Variants in MPND observed in about 807,000 individuals in gnomAD.
MPND encodes the protein MPN domain-containing protein.
MPND carries 56 observed loss-of-function variants against 59.2 expected under a neutral mutation model. That is an observed-to-expected ratio of 0.95 (90% CI 0.76 to 1.18). The LOEUF (loss-of-function observed/expected upper bound fraction) is 1.18. MPND is among the 50% of genes most tolerant of loss of function. The pLI, the probability that MPND is intolerant of heterozygous loss-of-function variation, is 0.00. For missense variants in MPND, 671 were observed against 676.0 expected, an observed-to-expected ratio of 0.99 and a Z score of 0.08; for synonymous variants, 323 against 291.9, an observed-to-expected ratio of 1.11 and a Z score of -1.09.
intron 3 of MPND, among the ~76,000 whole-genome samples, chr19:4,351,760 G>A (rs1199608162): frequency 1.3e-5 from 2 of 150,468 alleles, no homozygotes; most frequent in Non-Finnish European, 2.9e-5. Context: ...TACTCGGGAG[G>A]CTGAGGCAGG....
intron 3 of MPND, among the ~76,000 whole-genome samples, chr19:4,350,360 G>A (rs1301535740): frequency 6.6e-6 from 1 of 152,014 alleles, no homozygotes; most frequent in Non-Finnish European, 1.5e-5. Flanking sequence ...GAGGAAGGTG[G>A]GAGCCATGGA....
Position 4,346,038 on chromosome 19 carries a change from C to T in MPND, c.531+57C>T, listed in dbSNP as rs1296873526. 15 of 1,436,164 alleles carry T rather than the reference C, an allele frequency of 1.0e-5. No homozygotes were observed. In the Admixed American group the frequency reaches 1.5e-4, roughly 14 times the overall value. 89.0% of individuals were successfully genotyped at this position (1,436,164 alleles called of 1,614,324 possible). A position where few individuals can be genotyped will look rare whatever the true frequency, so the allele number is the denominator to read the frequency against. On this transcript the variant is annotated intron_variant, in intron 3 of 12. Transcript: ENST00000599840. The stretch of plus-strand genomic sequence containing the variant: ...CCAGGTCACTGTGGAATGAGGGGTG[C>T]CCAGCCTGGCACAGCTCTCTCCGGA...
chr19:4,358,079 C>T lies in MPND; in HGVS notation c.1237-4C>T. ...CTTCTCTCACTGGTCTGTGTCCCTG[C>T]CAGCAAAGGCCCAGTGACTATGGCA... On this transcript the variant is annotated splice_region_variant and splice_polypyrimidine_tract_variant and intron_variant, in intron 10 of 12. Coordinates refer to ENST00000599840, the MANE Select transcript of MPND (RefSeq NM_001300862.2). The T allele has an allele frequency of 5.2e-6, 8 of 1,550,918 alleles. No homozygotes were observed. Among genetic ancestry groups the T allele is most frequent in the Non-Finnish European group, 7.0e-6 (8 of 1,146,586 alleles).
At chr19:4,352,843 G>T (rs531378930) in intron 3 of MPND, 54 bp from the exon 4 acceptor site, 3 of 1,312,490 alleles carry the variant, frequency 2.3e-6, no homozygotes, top group Middle Eastern at 4.4e-4. Flanking sequence ...GCAGGGAGCG[G>T]GGGGGCACCC....
In MPND at chr19:4,343,590, G is replaced by A. The variant is rs1972114032; in HGVS notation, c.-4G>A. 1 of 1,220,680 alleles carries A rather than the reference G, an allele frequency of 8.2e-7. No homozygotes were observed. Among genetic ancestry groups the A allele is most frequent in the Non-Finnish European group, 1.0e-6 (1 of 980,872 alleles). 75.6% of individuals were successfully genotyped at this position (1,220,680 alleles called of 1,614,324 possible). A position where few individuals can be genotyped will look rare whatever the true frequency, so the allele number is the denominator to read the frequency against. ...TAGAGCTCCGGGCGCGGGGAGGCGC[G>A]GCCATGGCAGGTACGGCGGGCCCAG... On this transcript the variant is annotated 5_prime_UTR_variant, in exon 1 of 13. Coordinates refer to ENST00000599840, the MANE Select transcript of MPND (RefSeq NM_001300862.2).
intron 4 of MPND, 135 bp downstream of exon 4, chr19:4,353,164 A>T: frequency 1.5e-6 from 1 of 686,490 alleles, no homozygotes; most frequent in East Asian, 3.4e-5. Context: ...CTGGGCCCTA[A>T]GTCTGGAGCC....
chr19:4,345,293 C>T (rs1003818205), intron 2 of MPND, among the ~76,000 whole-genome samples: 155 of 151,564 alleles, frequency 1.0e-3, no homozygotes, highest in African/African-American at 3.6e-3. Flanking sequence ...GTGATCCGCC[C>T]GCCTCAGCCT....
intron 3 of MPND, among the ~76,000 whole-genome samples, chr19:4,350,941 C>A (rs899462314): frequency 6.6e-6 from 1 of 151,810 alleles, no homozygotes; most frequent in African/African-American, 2.4e-5. Flanking sequence ...GGGAGCCAGG[C>A]GAGCGTGGGA....
At chr19:4,357,158 T>TA in intron 8 of MPND, 95 bp from the exon 9 acceptor site, 1 of 1,377,198 alleles carries the variant, frequency 7.3e-7, no homozygotes, top group South Asian at 1.5e-5. Flanking sequence ...CCAGGCCTGA[T>TA]ACACAGCAGG....
At chr19:4,357,152 G>A (rs530394892) in intron 8 of MPND, 101 bp from the exon 9 acceptor site, 1 of 1,329,576 alleles carries the variant, frequency 7.5e-7, no homozygotes, top group African/African-American at 1.5e-5. Context: ...GTGTCCCCAG[G>A]CCTGATACAC....
intron 3 of MPND, among the ~76,000 whole-genome samples, chr19:4,352,176 G>GA (rs969763345): frequency 3.0e-4 from 42 of 140,528 alleles, no homozygotes; most frequent in African/African-American, 4.4e-4. Context: ...GTGTCTCAAA[G>GA]AAAAAAAAAA....
chr19:4,349,651 C>T (rs1179429788), intron 3 of MPND, among the ~76,000 whole-genome samples: 1 of 152,124 alleles, frequency 6.6e-6, no homozygotes, highest in Non-Finnish European at 1.5e-5. Flanking sequence ...GCTGGGACTA[C>T]AGATGCCCAC....
chr19:4,354,326 A>AC lies in MPND; in HGVS notation c.757dup (p.His253ProfsTer24). ...TGCGACCCTCCTGGCCCCTACAGGA[A>AC]CCCCCACACCCTGGTGGAAGTAACA... On this transcript the variant is annotated frameshift_variant, in exon 6 of 13. Coordinates refer to ENST00000599840, the MANE Select transcript of MPND (RefSeq NM_001300862.2). LOFTEE classifies it high-confidence loss of function. The AC allele has an allele frequency of 6.4e-7, 1 of 1,556,500 alleles. No homozygotes were observed. The highest frequency in any genetic ancestry group is 2.4e-5 in the East Asian group (1 of 41,586).
At chr19:4,352,876 C>G (rs568493740) in intron 3 of MPND, 21 bp from the exon 4 acceptor site, 1 of 1,336,968 alleles carries the variant, frequency 7.5e-7, no homozygotes, top group Non-Finnish European at 9.7e-7. Context: ...CACCGCTGTC[C>G]CTGACCCCTA....
intron 4 of MPND, 46 bp downstream of exon 4, chr19:4,353,075 C>T (rs776875633): frequency 1.4e-5 from 18 of 1,307,920 alleles, no homozygotes; most frequent in South Asian, 5.7e-5. Context: ...GGATACAGCT[C>T]GGGTTGGGGA....
At chr19:4,352,719 TA>T (rs60305318) in intron 3 of MPND, among the ~76,000 whole-genome samples, 177 bp from the exon 4 acceptor site, 91,561 of 151,556 alleles carry the variant, frequency 0.6, 28,154 homozygotes, top group East Asian at 0.75. Flanking sequence ...TACAAATAAA[TA>T]AAAAAAAATG....
At chr19:4,358,303 T>G in intron 11 of MPND, 131 bp downstream of exon 11, 1 of 768,970 alleles carries the variant, frequency 1.3e-6, no homozygotes, top group Non-Finnish European at 2.2e-6. Flanking sequence ...GGGTTAGGGC[T>G]TCTTCCATCA....
chr19:4,357,720 C>T (rs372461986), intron 10 of MPND, 135 bp downstream of exon 10: 25 of 832,922 alleles, frequency 3.0e-5, no homozygotes, highest in African/African-American at 5.2e-5. Context: ...GAAATGGGGA[C>T]GTGACTGCTG....
chr19:4,353,017 C>A lies in MPND; in HGVS notation c.652C>A (p.Pro218Thr). 7.4e-7 allele frequency: 1 copy of A among 1,347,772 alleles called. No individual in the cohort carries two copies. The highest frequency in any genetic ancestry group is 9.6e-7 in the Non-Finnish European group (1 of 1,038,776). The allele number at this position is 1,347,772 out of a possible 1,614,324, so 83.5% of individuals were successfully genotyped here. A position where few individuals can be genotyped will look rare whatever the true frequency, so the allele number is the denominator to read the frequency against. ...ACCACTGGGGAAGAGCCCTTCAGAG[C>A]CTGCCCACCCGGGTGAGAGGCGTGG... Reference protein sequence around the residue: ...RRPLGKSPSEPAHPEATTPGK... With the variant: ...RRPLGKSPSETAHPEATTPGK... The change falls in exon 4 of 13, where the codon CCT becomes ACT. Residue 218 changes from proline to threonine, a missense_variant. Transcript: ENST00000599840.
Sources: allele counts gnomAD v4.1 joint callset (sites outside exome capture counted in the v4.1 genomes callset), GRCh38; gene constraint gnomAD v4.1.1; transcripts MANE v1.5; gene names NCBI Gene and HGNC (gene_info 2026-07-23, HGNC 2026-07-21).